The following B3GALT1 variants were observed in gnomAD, a reference collection of about 807,000 sequenced individuals.
B3GALT1 encodes beta-1,3-galactosyltransferase 1.
B3GALT1 carries 10 observed loss-of-function variants against 23.2 expected under a neutral mutation model. The observed-to-expected ratio is 0.43, with a 90% CI of 0.27 to 0.73. The LOEUF (loss-of-function observed/expected upper bound fraction) is 0.73. B3GALT1 is among the 30% of genes least tolerant of loss of function. B3GALT1 has a pLI of 0.21. For synonymous variants in B3GALT1, 156 were observed against 141.5 expected, an observed-to-expected ratio of 1.10 and a Z score of -0.73; for missense variants, 299 against 405.4, an observed-to-expected ratio of 0.74 and a Z score of 2.25.
intron 2 of B3GALT1, among the ~76,000 whole-genome samples, chr2:167,592,971 TCAAA>T (rs1179837983): frequency 6.6e-6 from 1 of 152,124 alleles, no homozygotes; most frequent in East Asian, 1.9e-4. Flanking sequence ...ATGTCACCTA[TCAAA>T]CTAACAGAAG....
At chr2:167,472,244 A>G (rs1699427400) in intron 1 of B3GALT1, among the ~76,000 whole-genome samples, 1 of 152,170 alleles carries the variant, frequency 6.6e-6, no homozygotes. Flanking sequence ...CAATATTCAT[A>G]CACATGTATT....
chr2:167,684,893 T>C (rs1284523057), intron 3 of B3GALT1, among the ~76,000 whole-genome samples: 1 of 152,158 alleles, frequency 6.6e-6, no homozygotes, highest in Non-Finnish European at 1.5e-5. Context: ...CAGTTAATCA[T>C]AGCCACCTGG....
chr2:167,842,936 A>G (rs1689680471), intron 4 of B3GALT1, among the ~76,000 whole-genome samples: 1 of 152,064 alleles, frequency 6.6e-6, no homozygotes, highest in African/African-American at 2.4e-5. Context: ...CCTTTCTGAC[A>G]TTTATTTCTT....
At position 167,453,331 on chromosome 2, in the gene B3GALT1, C is replaced by T. The variant is rs772948934; in HGVS notation, c.-510-36846C>T. Among the ~76,000 whole-genome samples the T allele has an allele frequency of 1.1e-4, 16 of 152,328 alleles. 1 individual carries two copies. The South Asian group carries it at 2.5e-3, about 24-fold the overall frequency. On this transcript the variant is annotated intron_variant, in intron 1 of 4. Transcript: ENST00000392690. ...TAAAGCAGGTAATCCCACCTCTGTT[C>T]TTTTCCTTAGTTATTTAAAACATAG...
At chr2:167,331,253 C>T (rs1243359674) in intron 1 of B3GALT1, among the ~76,000 whole-genome samples, 1 of 152,148 alleles carries the variant, frequency 6.6e-6, no homozygotes, top group Admixed American at 6.5e-5. Context: ...AACATGCTTG[C>T]CCTTGAGCCC....
chr2:167,694,137 C>T (rs367780978), intron 3 of B3GALT1, among the ~76,000 whole-genome samples: 2 of 152,030 alleles, frequency 1.3e-5, no homozygotes, highest in East Asian at 1.9e-4. Context: ...AATTACCTCC[C>T]AGAGGCCCCC....
chr2:167,358,282 A>G (rs983886907), intron 1 of B3GALT1, among the ~76,000 whole-genome samples: 1 of 152,228 alleles, frequency 6.6e-6, no homozygotes, highest in Admixed American at 6.5e-5. Flanking sequence ...GTGTAGTTTT[A>G]AAAAGGAGTG....
intron 4 of B3GALT1, among the ~76,000 whole-genome samples, chr2:167,835,224 C>T (rs942324506): frequency 7.2e-5 from 11 of 152,288 alleles, no homozygotes; most frequent in Middle Eastern, 3.4e-3. Context: ...CGAAGCAGGG[C>T]GAGGCATTGC....
At chr2:167,690,027 CT>C (rs1686684812) in intron 3 of B3GALT1, among the ~76,000 whole-genome samples, 1 of 151,984 alleles carries the variant, frequency 6.6e-6, no homozygotes, top group African/African-American at 2.4e-5. Context: ...TAATTATGTT[CT>C]TATACAGACA....
intron 1 of B3GALT1, among the ~76,000 whole-genome samples, chr2:167,349,939 A>G (rs1427203195): frequency 6.6e-6 from 1 of 152,186 alleles, no homozygotes; most frequent in African/African-American, 2.4e-5. Context: ...TGTAACCCCA[A>G]TCAATATATA....
intron 1 of B3GALT1, among the ~76,000 whole-genome samples, chr2:167,326,650 T>C (rs980620245): frequency 6.6e-6 from 1 of 152,146 alleles, no homozygotes. Context: ...CTTCTGTATA[T>C]GGTTATCCAG....
intron 1 of B3GALT1, among the ~76,000 whole-genome samples, chr2:167,369,449 G>C (rs1446794806): frequency 1.3e-5 from 2 of 152,154 alleles, no homozygotes; most frequent in African/African-American, 4.8e-5. Context: ...AAGGGTTATA[G>C]TATAGATGTT....
chr2:167,848,277 G>A (rs1436465336), intron 4 of B3GALT1, among the ~76,000 whole-genome samples: 2 of 151,878 alleles, frequency 1.3e-5, no homozygotes, highest in African/African-American at 2.4e-5. Flanking sequence ...AACCAGGAAC[G>A]GACATAACCA....
At chr2:167,554,733 T>G (rs1683813817) in intron 2 of B3GALT1, among the ~76,000 whole-genome samples, 1 of 152,222 alleles carries the variant, frequency 6.6e-6, no homozygotes, top group South Asian at 2.1e-4. Context: ...AAGATTATTT[T>G]AAGCCTATCC....
intron 2 of B3GALT1, among the ~76,000 whole-genome samples, chr2:167,495,894 A>T (rs1026798036): frequency 4.6e-5 from 7 of 152,210 alleles, no homozygotes; most frequent in African/African-American, 1.7e-4. Context: ...ATTAATGTTT[A>T]TTAAAAGGAA....
At chr2:167,726,395 T>C (rs1295592716) in intron 3 of B3GALT1, among the ~76,000 whole-genome samples, 1 of 152,160 alleles carries the variant, frequency 6.6e-6, no homozygotes, top group African/African-American at 2.4e-5. Context: ...TCCAGGCATA[T>C]TGCCCTGCCC....
intron 2 of B3GALT1, among the ~76,000 whole-genome samples, chr2:167,533,926 GT>G (rs895125238): frequency 4.0e-5 from 6 of 151,892 alleles, no homozygotes; most frequent in African/African-American, 1.2e-4. Flanking sequence ...AAGGTAATGG[GT>G]TTTTTTTCCT....
intron 1 of B3GALT1, among the ~76,000 whole-genome samples, chr2:167,330,436 G>T (rs188077890): frequency 2.0e-4 from 31 of 152,168 alleles, no homozygotes; most frequent in Admixed American, 8.5e-4. Context: ...GTGAGACCCT[G>T]TCTCTACAAA....
In B3GALT1 at chr2:167,462,172, A is replaced by G. The variant is rs923380063; in HGVS notation, c.-510-28005A>G. On this transcript the variant is annotated intron_variant, in intron 1 of 4. Coordinates refer to ENST00000392690, the MANE Select transcript of B3GALT1 (RefSeq NM_020981.4). ...AATGTAGTAAAGGAGTTAGGCAGTG[A>G]TATGTTTGAGTGTTTATTACTTTTA... Among the ~76,000 whole-genome samples, 11 of 152,296 alleles carry G rather than the reference A, an allele frequency of 7.2e-5. 1 individual carries two copies. The highest frequency in any genetic ancestry group is 6.8e-3 in the Middle Eastern group (2 of 294).
Sources: allele counts gnomAD v4.1 joint callset (sites outside exome capture counted in the v4.1 genomes callset), GRCh38; gene constraint gnomAD v4.1.1; transcripts MANE v1.5; gene names NCBI Gene and HGNC (gene_info 2026-07-23, HGNC 2026-07-21).